The following PARP8 variants were observed in gnomAD, a reference collection of about 807,000 sequenced individuals.
PARP8 encodes the protein protein mono-ADP-ribosyltransferase PARP8.
Under a neutral mutation model 124.1 loss-of-function variants are expected in PARP8, and 51 were observed. The observed-to-expected ratio is 0.41, with a 90% confidence interval of 0.33 to 0.52. The LOEUF is 0.52. Among genes scored for constraint, PARP8 ranks in the 20% least tolerant of loss-of-function variants. PARP8 has a pLI of 0.21. For synonymous variants in PARP8, 391 were observed against 361.5 expected, an observed-to-expected ratio of 1.08 and a Z score of -0.93; for missense variants, 860 against 1,018.9, an observed-to-expected ratio of 0.84 and a Z score of 2.12.
chr5:50,718,000 C>T (rs1168067948), intron 2 of PARP8, among the ~76,000 whole-genome samples: 5 of 151,864 alleles, frequency 3.3e-5, no homozygotes, highest in South Asian at 4.2e-4. Flanking sequence ...TTTCAAGAAA[C>T]GTTCGTAGGA....
intron 2 of PARP8, among the ~76,000 whole-genome samples, chr5:50,733,603 G>A (rs1008819412): frequency 7.9e-5 from 12 of 152,048 alleles, no homozygotes; most frequent in Non-Finnish European, 5.9e-5. Flanking sequence ...ACTATACTCA[G>A]GGACAGAAAT....
At chr5:50,726,038 G>C (rs1353569394) in intron 2 of PARP8, among the ~76,000 whole-genome samples, 1 of 152,060 alleles carries the variant, frequency 6.6e-6, no homozygotes, top group Admixed American at 6.6e-5. Context: ...TTTGAAAGCT[G>C]ACAACTTGAT....
intron 2 of PARP8, among the ~76,000 whole-genome samples, chr5:50,696,153 A>G (rs1361721811): frequency 6.6e-6 from 1 of 152,180 alleles, no homozygotes; most frequent in Non-Finnish European, 1.5e-5. Context: ...AGGCGAGTCA[A>G]ACTATACCAT....
intron 14 of PARP8, among the ~76,000 whole-genome samples, chr5:50,806,557 G>A (rs1743865177): frequency 6.6e-6 from 1 of 152,000 alleles, no homozygotes; most frequent in South Asian, 2.1e-4. Flanking sequence ...AATAAATACG[G>A]ATGATTATCA....
intron 19 of PARP8, 55 bp downstream of exon 19, chr5:50,826,858 T>C: frequency 1.3e-6 from 2 of 1,559,448 alleles, no homozygotes; most frequent in Non-Finnish European, 1.7e-6. Context: ...GGAGTACTTA[T>C]CAGTTGGGAG....
intron 19 of PARP8, among the ~76,000 whole-genome samples, chr5:50,827,062 A>G (rs1359129661): frequency 1.3e-5 from 2 of 152,186 alleles, no homozygotes; most frequent in East Asian, 3.8e-4. Flanking sequence ...GTTATTCCAC[A>G]AGCAATTGAA....
chr5:50,695,582 AT>A, intron 2 of PARP8, among the ~76,000 whole-genome samples: 1 of 152,248 alleles, frequency 6.6e-6, no homozygotes, highest in Non-Finnish European at 1.5e-5. Flanking sequence ...CTTTTAAAAA[AT>A]AAATATGGTC....
Position 50,738,302 on chromosome 5 carries a change from C to G in PARP8, c.147-11849C>G, listed in dbSNP as rs145292414. 2.0e-3 allele frequency among the ~76,000 whole-genome samples: 297 copies of G among 152,154 alleles called. 3 individuals carry two copies. The highest frequency in any genetic ancestry group is 6.8e-3 in the African/African-American group (281 of 41,524). On this transcript the variant is annotated intron_variant, in intron 2 of 25. Transcript: ENST00000281631. ...TTTGGCGAGCAGAAAAATATTAAAA[C>G]CTGTGCGCTTGCAGTTTTTTCTTAT...
chr5:50,735,396 ACAAT>A (rs1335597579), intron 2 of PARP8, among the ~76,000 whole-genome samples: 2 of 152,278 alleles, frequency 1.3e-5, no homozygotes, highest in East Asian at 3.9e-4. Context: ...ATTATATGGT[ACAAT>A]CAAATTCTCT....
In PARP8 at chr5:50,835,031, C is replaced by T. The variant is rs1412914394; in HGVS notation, c.2462+16C>T. 2 of 1,604,260 alleles carry T rather than the reference C, an allele frequency of 1.2e-6. No homozygotes were observed. The highest frequency in any genetic ancestry group is 1.7e-5 in the Admixed American group (1 of 59,736). ...TCTTTTTCGTGTAAGTGGAAATGCT[C>T]AAATTTGTATATTACTGTCTTTGCC... On this transcript the variant is annotated intron_variant, in intron 25 of 25. Coordinates refer to ENST00000281631, the MANE Select transcript of PARP8 (RefSeq NM_024615.4).
At chr5:50,800,941 A>G (rs1743142168) in intron 14 of PARP8, among the ~76,000 whole-genome samples, 1 of 151,618 alleles carries the variant, frequency 6.6e-6, no homozygotes, top group African/African-American at 2.4e-5. Context: ...AATTTTTTGT[A>G]GAAATGGGGT....
intron 10 of PARP8, among the ~76,000 whole-genome samples, chr5:50,792,329 G>A (rs995725821): frequency 2.6e-5 from 4 of 152,098 alleles, no homozygotes; most frequent in African/African-American, 9.7e-5. Flanking sequence ...ACACAACATT[G>A]AATGTCTTTT....
At chr5:50,779,617 T>C (rs1740442556) in intron 9 of PARP8, among the ~76,000 whole-genome samples, 2 of 152,192 alleles carry the variant, frequency 1.3e-5, no homozygotes, top group Admixed American at 1.3e-4. Flanking sequence ...GGAAAAGACA[T>C]AGTGAGTCTT....
Position 50,750,673 on chromosome 5 carries a change from G to T in PARP8, c.184+485G>T, listed in dbSNP as rs147817862. On this transcript the variant is annotated intron_variant, in intron 3 of 25. Transcript: ENST00000281631. ...GTTTAGCATTTAAGTATTTTCTGCGGCAGTTTGCATTAAGCATTTAACCAT... is the reference window on the plus strand; with the variant it reads ...GTTTAGCATTTAAGTATTTTCTGCGTCAGTTTGCATTAAGCATTTAACCAT... 3.3e-4 allele frequency among the ~76,000 whole-genome samples: 50 copies of T among 152,174 alleles called. 1 individual carries two copies. The East Asian group carries it at 5.2e-3, about 16-fold the overall frequency.
chr5:50,687,878 T>C (rs896845088), intron 2 of PARP8, among the ~76,000 whole-genome samples: 9 of 152,170 alleles, frequency 5.9e-5, no homozygotes, highest in Non-Finnish European at 2.9e-5. Context: ...GAGATTTGTA[T>C]AGGGACACAG....
At position 50,746,670 on chromosome 5, in the gene PARP8, A is replaced by AT. The variant is rs1451384635; in HGVS notation, c.147-3474dup. On this transcript the variant is annotated intron_variant, in intron 2 of 25. Transcript: ENST00000281631. ...CAAAGGTGTTACCTCTGATATATAT[A>AT]TTTTTTTCTGTTTAAATCTTATTTG... 5.3e-5 allele frequency among the ~76,000 whole-genome samples: 8 copies of AT among 152,128 alleles called. No individual in the cohort carries two copies. In the South Asian group the frequency reaches 1.0e-3, roughly 20 times the overall value.
rs2149575770 is a variant in PARP8 at position 50,760,351 on chromosome 5, GA to G, written c.338del (p.Asn113MetfsTer30). 6.6e-7 allele frequency: 1 copy of G among 1,523,370 alleles called. No homozygotes were observed. Among genetic ancestry groups the G allele is most frequent in the Non-Finnish European group, 9.0e-7 (1 of 1,115,506 alleles). The allele number at this position is 1,523,370 out of a possible 1,614,324, so 94.4% of individuals were successfully genotyped here. ...ATCCATAAAATCCAAATTACAAAAG[GA>G]AAATGGGGAGGTATGTAAATTATAT... ...CLSIKSKLQKENGEESRQNST... is the reference protein window; with the variant it reads ...CLSIKSKLQKXNGEESRQNST... On this transcript the variant is annotated frameshift_variant, in exon 5 of 26. Transcript: ENST00000281631. LOFTEE classifies it high-confidence loss of function.
At chr5:50,835,405 C>T (rs1305383016) in intron 25 of PARP8, among the ~76,000 whole-genome samples, 2 of 152,026 alleles carry the variant, frequency 1.3e-5, no homozygotes, top group East Asian at 1.9e-4. Context: ...TAGCTGGGCG[C>T]GGTGGTGCAT....
chr5:50,675,048 G>C (rs966053608), intron 2 of PARP8, among the ~76,000 whole-genome samples: 2 of 152,202 alleles, frequency 1.3e-5, no homozygotes, highest in African/African-American at 4.8e-5. Context: ...TGATATTTCA[G>C]TTTGTGGCTG....
Sources: gnomAD v4.1 joint callset for allele counts (sites outside exome capture counted in the v4.1 genomes callset) on GRCh38, gnomAD v4.1.1 for gene constraint, MANE v1.5 for transcripts, NCBI Gene and HGNC (gene_info 2026-07-23, HGNC 2026-07-21) for gene names.